Variants in GALK2 observed in about 807,000 individuals in gnomAD.
GALK2 encodes galactokinase 2.
GALK2 carries 36 observed loss-of-function variants against 52.4 expected under a neutral mutation model. That is an observed-to-expected ratio of 0.69 (90% CI 0.53 to 0.91). The LOEUF is 0.91. Ranked by LOEUF, GALK2 falls within the 40% of genes least tolerant of loss-of-function variation. GALK2 has a pLI of 0.00. For missense variants in GALK2, 579 were observed against 559.1 expected (o/e 1.04, Z -0.36); for synonymous variants, 176 against 199.1 (o/e 0.88, Z 0.98).
chr15:49,272,035 A>G (rs999233235), intron 5 of GALK2, among the ~76,000 whole-genome samples: 19 of 152,184 alleles, frequency 1.2e-4, no homozygotes, highest in African/African-American at 4.3e-4. Context: ...AGATATGCAT[A>G]AATTGTGCTC....
downstream of GALK2, chr15:49,335,648 ACACT>A: frequency 1.8e-6 from 1 of 540,688 alleles, no homozygotes. Context: ...GTCTGGAGTT[ACACT>A]CAGAGGACTG....
chr15:49,366,653 G>T, intron 3 of GALK2: 1 of 1,558,084 alleles, frequency 6.4e-7, no homozygotes, highest in South Asian at 1.1e-5. Flanking sequence ...CAGGGCGGCC[G>T]TGGCAGGGGA....
rs187417480 is a variant in GALK2 at position 49,274,915 on chromosome 15, G to T, written c.505-7072G>T. On this transcript the variant is annotated intron_variant, in intron 5 of 9. Transcript: ENST00000560031. Reference sequence around the variant, plus strand: ...GGAGCTGTCATCTCCTGTGATAACAGTGCCTTCTTCTGGCATACCTCCCGA... The same window carrying T: ...GGAGCTGTCATCTCCTGTGATAACATTGCCTTCTTCTGGCATACCTCCCGA... Among the ~76,000 whole-genome samples, 99 of 152,180 alleles carry T rather than the reference G, an allele frequency of 6.5e-4. No individual in the cohort carries two copies. In the East Asian group the frequency reaches 0.017, roughly 26 times the overall value.
intron 7 of GALK2, among the ~76,000 whole-genome samples, chr15:49,286,942 A>T (rs1325181985): frequency 6.6e-6 from 1 of 152,226 alleles, no homozygotes; most frequent in African/African-American, 2.4e-5. Context: ...GTGAGCTGAA[A>T]CAAGTATTAG....
chr15:49,222,283 T>C (rs776007195), intron 3 of GALK2, among the ~76,000 whole-genome samples: 44 of 152,172 alleles, frequency 2.9e-4, no homozygotes, highest in Non-Finnish European at 5.9e-4. Flanking sequence ...ATTTATTAGG[T>C]GTAAGAGTTT....
chr15:49,195,756 T>TAG (rs2087167257), intron 1 of GALK2, among the ~76,000 whole-genome samples: 1 of 151,886 alleles, frequency 6.6e-6, no homozygotes, highest in Admixed American at 6.6e-5. Flanking sequence ...TTATGATGGT[T>TAG]AGAGGGTAGA....
At chr15:49,313,281 G>A (rs1410277753) in intron 8 of GALK2, among the ~76,000 whole-genome samples, 3 of 152,222 alleles carry the variant, frequency 2.0e-5, no homozygotes, top group Non-Finnish European at 4.4e-5. Context: ...CATCACCGTG[G>A]CTGGCTATGG....
intron 8 of GALK2, among the ~76,000 whole-genome samples, chr15:49,304,480 T>C (rs1011117922): frequency 1.1e-4 from 17 of 152,222 alleles, no homozygotes; most frequent in Admixed American, 1.0e-3. Flanking sequence ...TCCACAATCA[T>C]GGCAGGAGGA....
At chr15:49,307,802 A>G (rs968911090) in intron 8 of GALK2, among the ~76,000 whole-genome samples, 4 of 152,206 alleles carry the variant, frequency 2.6e-5, no homozygotes, top group African/African-American at 7.2e-5. Flanking sequence ...TTGATTTTCA[A>G]ATATTCACAA....
chr15:49,322,552 G>A (rs937863999), intron 9 of GALK2, among the ~76,000 whole-genome samples: 14 of 152,176 alleles, frequency 9.2e-5, no homozygotes, highest in Non-Finnish European at 1.8e-4. Context: ...AGCCCCAGGG[G>A]AATTAAGTTG....
rs35359586 is a variant in GALK2 at position 49,214,332 on chromosome 15, C to CTTTT, written c.143-2844_143-2841dup. Among the ~76,000 whole-genome samples the CTTTT allele has an allele frequency of 5.1e-3, 651 of 126,648 alleles. 23 individuals carry two copies. Among genetic ancestry groups the CTTTT allele is most frequent in the African/African-American group, 0.019 (615 of 32,606 alleles). The allele number at this position is 126,648 out of a possible 152,430, so 83.1% of individuals were successfully genotyped here. ...TTAACCCCATTTCTTCACTTTGTCACTTTTTTTTTTTTTTTTTGAGATGGA... is the reference window on the plus strand; with the variant it reads ...TTAACCCCATTTCTTCACTTTGTCACTTTTTTTTTTTTTTTTTTTTTGAGATGGA... On this transcript the variant is annotated intron_variant, in intron 2 of 9. Coordinates refer to ENST00000560031, the MANE Select transcript of GALK2 (RefSeq NM_002044.4).
intron 7 of GALK2, among the ~76,000 whole-genome samples, chr15:49,285,891 C>T (rs867654081): frequency 5.3e-5 from 8 of 152,178 alleles, no homozygotes; most frequent in Admixed American, 1.3e-4. Context: ...GTCCATATCA[C>T]GACCTGGAGA....
chr15:49,230,473 C>T (rs1210337267), intron 3 of GALK2, among the ~76,000 whole-genome samples: 1 of 152,188 alleles, frequency 6.6e-6, no homozygotes, highest in African/African-American at 2.4e-5. Context: ...TTAGGTGTTC[C>T]TTGTCACTTC....
intron 2 of GALK2, 35 bp from the exon 3 acceptor site, chr15:49,217,155 T>C: frequency 6.3e-7 from 1 of 1,580,690 alleles, no homozygotes; most frequent in Non-Finnish European, 8.7e-7. Flanking sequence ...TTTTATATAT[T>C]AGCAATGATT....
chr15:49,230,054 T>A (rs2090414283), intron 3 of GALK2, among the ~76,000 whole-genome samples: 1 of 152,182 alleles, frequency 6.6e-6, no homozygotes, highest in Non-Finnish European at 1.5e-5. Context: ...ATTTTGGCTC[T>A]GACAACAGCA....
rs1038107560 is a variant in GALK2, at chr15:49,183,765, C to T, written c.53+13390C>T. On this transcript the variant is annotated intron_variant, in intron 1 of 9. Coordinates refer to ENST00000560031, the MANE Select transcript of GALK2 (RefSeq NM_002044.4). ...GGCTGAGGCAGGAGAATGGCTTGAA[C>T]CCGGGAGGCAGAGGTTGTGGTGAGC... is the stretch of plus-strand genomic sequence containing the variant. Among the ~76,000 whole-genome samples the T allele has an allele frequency of 7.9e-5, 12 of 151,764 alleles. 1 individual carries two copies. Among genetic ancestry groups the T allele is most frequent in the African/African-American group, 2.4e-4 (10 of 41,314 alleles).
chr15:49,192,502 T>TATATAC (rs2086832925), intron 1 of GALK2, among the ~76,000 whole-genome samples: 1 of 135,320 alleles, frequency 7.4e-6, no homozygotes, highest in African/African-American at 2.8e-5. Flanking sequence ...TATATATATA[T>TATATAC]ATATATATAT....
chr15:49,263,909 C>T (rs2092247300), intron 5 of GALK2, among the ~76,000 whole-genome samples: 1 of 151,830 alleles, frequency 6.6e-6, no homozygotes, highest in Non-Finnish European at 1.5e-5. Context: ...CCACTCTCTT[C>T]TGGCTTGTAG....
intron 5 of GALK2, among the ~76,000 whole-genome samples, chr15:49,273,486 C>T (rs1020630219): frequency 2.6e-5 from 4 of 151,738 alleles, no homozygotes; most frequent in Non-Finnish European, 4.4e-5. Context: ...AATTCCTTTG[C>T]ATTACATCTC....
Sources: gnomAD v4.1 joint callset for allele counts (sites outside exome capture counted in the v4.1 genomes callset) on GRCh38, gnomAD v4.1.1 for gene constraint, MANE v1.5 for transcripts, NCBI Gene and HGNC (gene_info 2026-07-23, HGNC 2026-07-21) for gene names.